Variants in IFT81 observed in about 807,000 individuals in gnomAD.
IFT81 encodes intraflagellar transport 81.
In IFT81, 72 loss-of-function variants were observed where a neutral mutation model predicts 102.6. That is an observed-to-expected ratio of 0.70 (90% CI 0.58 to 0.85). IFT81 has a LOEUF of 0.85. Among genes scored for constraint, IFT81 ranks in the 40% least tolerant of loss-of-function variants. The pLI, the probability that IFT81 is intolerant of heterozygous loss-of-function variation, is 0.00. For synonymous variants in IFT81, 237 were observed against 242.7 expected (o/e 0.98, Z 0.22); for missense variants, 723 against 787.3 (o/e 0.92, Z 0.98).
rs557142989 is a variant in IFT81, at chr12:110,130,365, C to CTT, written c.429+1250_429+1251dup. Among the ~76,000 whole-genome samples the CTT allele has an allele frequency of 3.2e-4, 44 of 139,124 alleles. 1 individual carries two copies. The highest frequency in any genetic ancestry group is 6.9e-4 in the South Asian group (3 of 4,338). 91.3% of individuals were successfully genotyped at this position (139,124 alleles called of 152,430 possible). On this transcript the variant is annotated intron_variant, in intron 4 of 18. Transcript: ENST00000242591. ...TTTATCTAGAGGAAGTTGATTAAGT[C>CTT]TTTTTTTTTTTTTTTTCCGAGACAG... is the stretch of plus-strand genomic sequence containing the variant.
chr12:110,177,190 T>C (rs2137501272), intron 11 of IFT81, among the ~76,000 whole-genome samples: 1 of 152,366 alleles, frequency 6.6e-6, no homozygotes, highest in Middle Eastern at 3.4e-3. Flanking sequence ...AAAACTAACC[T>C]AATCATGGAT....
chr12:110,146,004 G>T (rs921649647), intron 9 of IFT81, among the ~76,000 whole-genome samples: 11 of 151,394 alleles, frequency 7.3e-5, no homozygotes, highest in Admixed American at 6.6e-5. Context: ...TAGAGACGGG[G>T]TTTCACCATG....
At chr12:110,167,201 A>G (rs191627193) in intron 11 of IFT81, among the ~76,000 whole-genome samples, 62 of 152,220 alleles carry the variant, frequency 4.1e-4, no homozygotes, top group Admixed American at 2.7e-3. Context: ...TTTCCTTATT[A>G]GTAAAAGACG....
intron 4 of IFT81, among the ~76,000 whole-genome samples, chr12:110,130,715 T>C (rs1894111879): frequency 6.6e-6 from 1 of 151,992 alleles, no homozygotes; most frequent in South Asian, 2.1e-4. Context: ...AAAGAATTAA[T>C]GGTAATAAAG....
At chr12:110,212,209 A>G (rs1869539373) in intron 18 of IFT81, among the ~76,000 whole-genome samples, 1 of 151,122 alleles carries the variant, frequency 6.6e-6, no homozygotes, top group African/African-American at 2.4e-5. Flanking sequence ...ACAATGGAGT[A>G]ATTGGTAAAT....
chr12:110,161,722 G>C (rs1157605078), intron 10 of IFT81, among the ~76,000 whole-genome samples: 2 of 151,986 alleles, frequency 1.3e-5, no homozygotes, highest in African/African-American at 4.8e-5. Context: ...CCAAAGTGCT[G>C]GGATTACAGA....
intron 18 of IFT81, 59 bp from the exon 19 acceptor site, chr12:110,217,985 C>T (rs529997053): frequency 8.2e-5 from 98 of 1,193,756 alleles, no homozygotes; most frequent in Non-Finnish European, 1.1e-4. Flanking sequence ...CCGACTATAG[C>T]AATAGAAATA....
intron 13 of IFT81, among the ~76,000 whole-genome samples, chr12:110,192,416 G>A (rs993443667): frequency 3.3e-5 from 5 of 152,106 alleles, no homozygotes; most frequent in Non-Finnish European, 7.4e-5. Flanking sequence ...GAGAACTGAC[G>A]TTTTGAATGA....
intron 14 of IFT81, among the ~76,000 whole-genome samples, chr12:110,199,069 G>A (rs1464212211): frequency 1.3e-5 from 2 of 151,836 alleles, no homozygotes; most frequent in Non-Finnish European, 2.9e-5. Context: ...TCCGCCTCCC[G>A]AAGTGCTGGG....
intron 1 of IFT81, among the ~76,000 whole-genome samples, chr12:110,126,019 C>A (rs1286191938): frequency 2.6e-5 from 4 of 152,184 alleles, no homozygotes; most frequent in Non-Finnish European, 4.4e-5. Context: ...TGGCTCACGC[C>A]TGTAATTCCA....
intron 14 of IFT81, among the ~76,000 whole-genome samples, chr12:110,194,356 T>G (rs1056060548): frequency 1.3e-5 from 2 of 152,234 alleles, no homozygotes; most frequent in African/African-American, 4.8e-5. Flanking sequence ...TAGGAGCAGT[T>G]CTATAAATTA....
At chr12:110,149,545 C>T (rs527489613) in intron 10 of IFT81, among the ~76,000 whole-genome samples, 82 of 152,242 alleles carry the variant, frequency 5.4e-4, no homozygotes, top group African/African-American at 1.8e-3. Flanking sequence ...CTTGGTGTAC[C>T]GGAAGAACGG....
At chr12:110,151,663 T>C (rs1158288221) in intron 10 of IFT81, among the ~76,000 whole-genome samples, 1 of 152,248 alleles carries the variant, frequency 6.6e-6, no homozygotes, top group Admixed American at 6.5e-5. Flanking sequence ...ACTTATTGTT[T>C]TGTGGTGAGA....
At chr12:110,151,208 A>T (rs992665665) in intron 10 of IFT81, among the ~76,000 whole-genome samples, 2 of 152,170 alleles carry the variant, frequency 1.3e-5, no homozygotes, top group African/African-American at 4.8e-5. Context: ...ATTTCAACTG[A>T]TTTGAGACAA....
chr12:110,201,653 C>T (rs989124471), intron 14 of IFT81, among the ~76,000 whole-genome samples: 5 of 151,896 alleles, frequency 3.3e-5, no homozygotes, highest in Admixed American at 2.6e-4. Flanking sequence ...TGTTATGTTG[C>T]CTGTGCTTGT....
chr12:110,191,081 T>G, intron 13 of IFT81, 33 bp downstream of exon 13: 1 of 1,578,232 alleles, frequency 6.3e-7, no homozygotes. Context: ...TTTCTTTTAT[T>G]GTGTAGCTAG....
rs1292620146 is a variant in IFT81 at position 110,147,191 on chromosome 12, G to T, written c.1041+143G>T. 7.4e-6 allele frequency: 4 copies of T among 537,318 alleles called. No individual in the cohort carries two copies. The East Asian group carries it at 1.4e-4, about 19-fold the overall frequency. 33.3% of individuals were successfully genotyped at this position (537,318 alleles called of 1,614,324 possible). A position where few individuals can be genotyped will look rare whatever the true frequency, so the allele number is the denominator to read the frequency against. On this transcript the variant is annotated intron_variant, in intron 10 of 18. Transcript: ENST00000242591. ...CTGCTAATCTCCATAGTATATCAAA[G>T]AATTAGTGGAAAAGCCACAAAAGAT...
At chr12:110,210,124 A>C (rs904966547) in intron 18 of IFT81, among the ~76,000 whole-genome samples, 1 of 152,196 alleles carries the variant, frequency 6.6e-6, no homozygotes, top group African/African-American at 2.4e-5. Context: ...CAAAGACACC[A>C]GCTTTGCATT....
At position 110,218,527 on chromosome 12, in the gene IFT81, G is replaced by GTT; in HGVS notation, c.*309_*310dup. The GTT allele has an allele frequency of 2.5e-5, 5 of 196,646 alleles. No individual in the cohort carries two copies. The highest frequency in any genetic ancestry group is 3.1e-5 in the Non-Finnish European group (3 of 98,302). The allele number at this position is 196,646 out of a possible 1,614,324, so 12.2% of individuals were successfully genotyped here. ...ACATATGTCCATTAAGAAACATGTAGTTTTTTTTTAGAATGTAATAACCCA... is the reference window on the plus strand; with the variant it reads ...ACATATGTCCATTAAGAAACATGTAGTTTTTTTTTTTAGAATGTAATAACCCA... On this transcript the variant is annotated 3_prime_UTR_variant, in exon 19 of 19. Transcript: ENST00000242591.
Sources: gnomAD v4.1 joint callset for allele counts (sites outside exome capture counted in the v4.1 genomes callset) on GRCh38, gnomAD v4.1.1 for gene constraint, MANE v1.5 for transcripts, NCBI Gene and HGNC (gene_info 2026-07-23, HGNC 2026-07-21) for gene names.